The following TMEM114 variants were observed in gnomAD, a reference collection of about 807,000 sequenced individuals.
TMEM114 encodes the protein transmembrane protein 114.
In TMEM114, 6 loss-of-function variants were observed where a neutral mutation model predicts 6.2. The observed-to-expected ratio is 0.97, with a 90% CI of 0.53 to 1.91. The LOEUF (loss-of-function observed/expected upper bound fraction) is 1.91. Among genes scored for constraint, TMEM114 ranks in the 40% most tolerant of loss-of-function variants. The probability of loss-of-function intolerance (pLI) is 0.01; values close to 1 mark genes in which losing one functional copy is unlikely to be tolerated. For synonymous variants in TMEM114, 104 were observed against 73.0 expected, an observed-to-expected ratio of 1.42 and a Z score of -2.16; for missense variants, 218 against 158.3, an observed-to-expected ratio of 1.38 and a Z score of -2.02.
downstream of TMEM114, among the ~76,000 whole-genome samples, chr16:8,534,146 C>A (rs769992010): frequency 2.0e-5 from 3 of 152,118 alleles, no homozygotes; most frequent in Non-Finnish European, 4.4e-5. Context: ...ATTTTAAAGG[C>A]CAAAGTGCTA....
chr16:8,557,072 G>A (rs6501159), intron 2 of TMEM114, among the ~76,000 whole-genome samples: 54,473 of 151,860 alleles, frequency 0.36, 10,414 homozygotes, highest in African/African-American at 0.49. Context: ...AGAGAGGGTA[G>A]CAGATTGTAC....
intron 2 of TMEM114, among the ~76,000 whole-genome samples, chr16:8,557,918 C>T (rs904209515): frequency 2.0e-5 from 3 of 152,174 alleles, no homozygotes; most frequent in East Asian, 1.9e-4. Context: ...TGGCTTAAAA[C>T]AACTGAAATG....
exon 3 of TMEM114, chr16:8,537,670 T>C (rs1268711970): frequency 6.6e-6 from 1 of 152,224 alleles, no homozygotes; most frequent in African/African-American, 2.4e-5. Flanking sequence ...TATCATATGA[T>C]ATCATATGGT....
chr16:8,547,992 C>T (rs117215397), intron 2 of TMEM114, among the ~76,000 whole-genome samples: 2 of 152,056 alleles, frequency 1.3e-5, no homozygotes, highest in African/African-American at 2.4e-5. Context: ...GTGATAGAAA[C>T]GTCAGGAACA....
intron 2 of TMEM114, among the ~76,000 whole-genome samples, chr16:8,560,742 C>G (rs769378341): frequency 3.3e-5 from 5 of 152,168 alleles, no homozygotes; most frequent in Non-Finnish European, 5.9e-5. Flanking sequence ...GGGGCCCTCA[C>G]TATGTCTGGG....
In TMEM114 at chr16:8,563,953, GTGAGTGAA is replaced by G. The variant is rs371049312; in HGVS notation, n.212+25252_212+25259del. Among the ~76,000 whole-genome samples, 54 of 146,450 alleles carry G rather than the reference GTGAGTGAA, an allele frequency of 3.7e-4. 1 individual carries two copies. Among genetic ancestry groups the G allele is most frequent in the South Asian group, 2.3e-3 (10 of 4,320 alleles). ...AGTGAGTGAACGAGTAAGTAAATGA[GTGAGTGAA>G]TGAGTGAATGAGTGAGTGAGGGAGG... is the stretch of plus-strand genomic sequence containing the variant. On this transcript the variant is annotated intron_variant and non_coding_transcript_variant, in intron 2 of 2. Coordinates refer to the TMEM114 transcript ENST00000623677.
rs546962480 is a variant in TMEM114, at chr16:8,559,342, C to G, written n.213-21516G>C. On this transcript the variant is annotated intron_variant and non_coding_transcript_variant, in intron 2 of 2. Coordinates refer to the TMEM114 transcript ENST00000623677. ...ATAGGCGTGAGCCGCCGGACCCTGC[C>G]TTAATTCCACCCAGTTCTGAGACTA... 4.6e-5 allele frequency among the ~76,000 whole-genome samples: 7 copies of G among 152,334 alleles called. No individual in the cohort carries two copies. The East Asian group carries it at 1.2e-3, about 25-fold the overall frequency.
chr16:8,529,521 C>T, the TMEM114 span, among the ~76,000 whole-genome samples: 2 of 152,164 alleles, frequency 1.3e-5, no homozygotes, highest in Non-Finnish European at 2.9e-5. Flanking sequence ...TCAGCAGCAT[C>T]AGTGTCATCT....
intron 2 of TMEM114, among the ~76,000 whole-genome samples, chr16:8,559,116 C>T (rs185469042): frequency 5.1e-4 from 77 of 152,236 alleles, no homozygotes; most frequent in African/African-American, 1.8e-3. Context: ...GATCTCGGCT[C>T]ACTGCAACCT....
chr16:8,539,482 C>A (rs1439973208), intron 2 of TMEM114, among the ~76,000 whole-genome samples: 1 of 152,216 alleles, frequency 6.6e-6, no homozygotes, highest in East Asian at 1.9e-4. Context: ...CAAGCAGCCT[C>A]ACATGCCTGG....
At chr16:8,567,880 T>C (rs147251605), downstream of TMEM114, among the ~76,000 whole-genome samples, 23 of 152,240 alleles carry the variant, frequency 1.5e-4, no homozygotes, top group African/African-American at 5.3e-4. Context: ...AACTTTGTTT[T>C]CCCCAGCATT....
downstream of TMEM114, among the ~76,000 whole-genome samples, chr16:8,537,213 A>G (rs1900386227): frequency 6.6e-6 from 1 of 151,104 alleles, no homozygotes; most frequent in Non-Finnish European, 1.5e-5. Context: ...TCAAAAAACA[A>G]AAACAGGCCA....
At chr16:8,589,192 C>G in intron 2 of TMEM114, 21 bp downstream of exon 2, 1 of 398,700 alleles carries the variant, frequency 2.5e-6, no homozygotes, top group Middle Eastern at 6.3e-4. Context: ...CTCCCTCCAT[C>G]CTCACCCTCC....
downstream of TMEM114, among the ~76,000 whole-genome samples, chr16:8,535,154 G>A (rs1397849037): frequency 4.6e-5 from 7 of 152,104 alleles, no homozygotes; most frequent in Admixed American, 2.6e-4. Context: ...CAATAAACAG[G>A]GGCATATATT....
At chr16:8,563,699 T>TGAATGAGTGAGTG (rs1567203167) in intron 2 of TMEM114, among the ~76,000 whole-genome samples, 12 of 136,954 alleles carry the variant, frequency 8.8e-5, no homozygotes, top group South Asian at 2.3e-4. Context: ...ATGAGTGAGT[T>TGAATGAGTGAGTG]AGTGAATGAG....
intron 2 of TMEM114, among the ~76,000 whole-genome samples, chr16:8,582,935 G>A (rs1008974372): frequency 6.6e-6 from 1 of 152,046 alleles, no homozygotes; most frequent in African/African-American, 2.4e-5. Context: ...GAAGGGCAGG[G>A]AAGGGCAGGG....
the TMEM114 span, among the ~76,000 whole-genome samples, chr16:8,529,232 C>A: frequency 6.6e-6 from 1 of 152,160 alleles, no homozygotes; most frequent in African/African-American, 2.4e-5. Context: ...CACTAGCTTT[C>A]CACTCAAGGC....
chr16:8,579,162 T>C (rs7187729), intron 2 of TMEM114, among the ~76,000 whole-genome samples: 35,381 of 152,026 alleles, frequency 0.23, 4,720 homozygotes, highest in Non-Finnish European at 0.29. Flanking sequence ...TGTGACTGCT[T>C]CATTATCATG....
chr16:8,576,994 T>C (rs372663649), intron 2 of TMEM114, among the ~76,000 whole-genome samples: 1 of 152,218 alleles, frequency 6.6e-6, no homozygotes, highest in Non-Finnish European at 1.5e-5. Flanking sequence ...CACATGATCA[T>C]AGACCTTCCA....
Sources: allele counts gnomAD v4.1 joint callset (sites outside exome capture counted in the v4.1 genomes callset), GRCh38; gene constraint gnomAD v4.1.1; transcripts MANE v1.5; gene names NCBI Gene and HGNC (gene_info 2026-07-23, HGNC 2026-07-21).